IL1RAPL1: variants seen among roughly 807,000 people sequenced by gnomAD.
IL1RAPL1 encodes interleukin 1 receptor accessory protein like 1.
In IL1RAPL1, 3 loss-of-function variants were observed where a neutral mutation model predicts 48.4. That is an observed-to-expected ratio of 0.06 (90% CI 0.03 to 0.16). The LOEUF is 0.16. Among genes scored for constraint, IL1RAPL1 ranks in the 10% least tolerant of loss-of-function variants. The pLI is 1.00. For missense variants in IL1RAPL1, 349 were observed against 530.6 expected (o/e 0.66, Z 3.36); for synonymous variants, 185 against 187.7 (o/e 0.99, Z 0.12).
intron 2 of IL1RAPL1, among the ~76,000 whole-genome samples, chrX:29,157,705 T>TACTC (rs374375708): frequency 1.6e-4 from 1 of 6,284 alleles, no homozygotes; most frequent in African/African-American, 3.6e-3. Flanking sequence ...CAAATTAGTT[T>TACTC]ACTCAGCCTC....
chrX:29,705,399 G>C (rs1927166505), intron 6 of IL1RAPL1, among the ~76,000 whole-genome samples: 1 of 111,420 alleles, frequency 9.0e-6, no homozygotes, highest in African/African-American at 3.3e-5. Context: ...ATTTTTAGTA[G>C]AGATGGGGCT....
chrX:29,038,216 T>C (rs1230760862), intron 2 of IL1RAPL1, among the ~76,000 whole-genome samples: 1 of 111,937 alleles, frequency 8.9e-6, no homozygotes, highest in Non-Finnish European at 1.9e-5. Context: ...AACATTTAAA[T>C]CTAGAGCTCT....
intron 2 of IL1RAPL1, among the ~76,000 whole-genome samples, chrX:29,121,001 C>T (rs751946518): frequency 2.4e-4 from 27 of 111,880 alleles, no homozygotes; most frequent in Non-Finnish European, 4.9e-4. Flanking sequence ...TTTATCTTAT[C>T]AATAGAGGCA....
chrX:29,913,125 T>C (rs1932770894), intron 6 of IL1RAPL1, among the ~76,000 whole-genome samples: 2 of 111,321 alleles, frequency 1.8e-5, no homozygotes, highest in Admixed American at 9.6e-5. Context: ...AGGCCCCTGG[T>C]TAGAGACTCA....
intron 3 of IL1RAPL1, among the ~76,000 whole-genome samples, chrX:29,294,846 A>G (rs931266345): frequency 2.7e-5 from 3 of 111,793 alleles, no homozygotes; most frequent in African/African-American, 6.5e-5. Context: ...GTGTTGTTAG[A>G]AAATGGGCTT....
chrX:28,691,598 G>T (rs1935179115), intron 1 of IL1RAPL1, among the ~76,000 whole-genome samples: 1 of 112,023 alleles, frequency 8.9e-6, no homozygotes, highest in Admixed American at 9.5e-5. Flanking sequence ...TCCTATCAGT[G>T]TCTGGGACAT....
At chrX:28,615,197 C>CTG (rs1569138738) in intron 1 of IL1RAPL1, among the ~76,000 whole-genome samples, 4 of 32,996 alleles carry the variant, frequency 1.2e-4, no homozygotes, top group African/African-American at 5.8e-4. Flanking sequence ...CAACTGTTGT[C>CTG]TGTTTTTTTT....
intron 5 of IL1RAPL1, among the ~76,000 whole-genome samples, chrX:29,563,445 C>T (rs545822253): frequency 5.1e-4 from 57 of 111,816 alleles, no homozygotes; most frequent in African/African-American, 1.7e-3. Context: ...TGGTAATCTA[C>T]AAGTCAGATT....
chrX:28,630,526 T>A (rs1418285133), intron 1 of IL1RAPL1, among the ~76,000 whole-genome samples: 3 of 111,948 alleles, frequency 2.7e-5, no homozygotes, highest in Non-Finnish European at 3.8e-5. Flanking sequence ...CCGTCTGCCT[T>A]CTTCCCCTTC....
At chrX:29,704,274 A>G (rs141969241) in intron 6 of IL1RAPL1, among the ~76,000 whole-genome samples, 1,199 of 111,425 alleles carry the variant, frequency 0.011, 13 homozygotes, top group African/African-American at 0.036. Flanking sequence ...GAAGTTTCCT[A>G]TTACATTTTA....
chrX:28,612,255 C>T (rs893660211), intron 1 of IL1RAPL1, among the ~76,000 whole-genome samples: 3 of 112,119 alleles, frequency 2.7e-5, no homozygotes, highest in Admixed American at 1.9e-4. Context: ...CTACTATCCT[C>T]ACACTCCTGC....
intron 2 of IL1RAPL1, among the ~76,000 whole-genome samples, chrX:29,144,483 A>G (rs768165713): frequency 1.6e-4 from 17 of 105,128 alleles, no homozygotes; most frequent in Non-Finnish European, 2.7e-4. Context: ...GGTGCCTGTA[A>G]TCCCAGCTAC....
At chrX:29,403,344 G>GGTGTGTGT (rs746681320) in intron 5 of IL1RAPL1, among the ~76,000 whole-genome samples, 1 of 107,228 alleles carries the variant, frequency 9.3e-6, no homozygotes, top group Non-Finnish European at 1.9e-5. Context: ...CTTATATTGG[G>GGTGTGTGT]GTGTGTGTGT....
intron 7 of IL1RAPL1, among the ~76,000 whole-genome samples, chrX:29,918,210 G>T: frequency 1.4e-5 from 1 of 69,312 alleles, no homozygotes; most frequent in Non-Finnish European, 2.6e-5. Context: ...AAATGTTAGT[G>T]TACTTTTTGT....
At chrX:28,617,541 A>C (rs1601836265) in intron 1 of IL1RAPL1, among the ~76,000 whole-genome samples, 1 of 112,060 alleles carries the variant, frequency 8.9e-6, no homozygotes, top group African/African-American at 3.2e-5. Context: ...CCTCAAATAT[A>C]GCCTTTAGCA....
intron 7 of IL1RAPL1, 146 bp from the exon 8 acceptor site, chrX:29,919,803 A>G: frequency 1.8e-6 from 1 of 566,128 alleles, no homozygotes; most frequent in Non-Finnish European, 3.0e-6. Flanking sequence ...GGCATAACTT[A>G]ATTAACACAG....
chrX:29,320,627 ATT>A (rs1932797351), intron 3 of IL1RAPL1, among the ~76,000 whole-genome samples: 2 of 110,108 alleles, frequency 1.8e-5, no homozygotes, highest in South Asian at 7.8e-4. Context: ...ATACAAAAAA[ATT>A]ACCCGGGCGT....
At chrX:29,599,132 A>C (rs543187670) in intron 5 of IL1RAPL1, among the ~76,000 whole-genome samples, 2 of 111,800 alleles carry the variant, frequency 1.8e-5, no homozygotes, top group African/African-American at 6.5e-5. Flanking sequence ...TATATCGGTC[A>C]TGTGAGATTT....
At chrX:29,310,132 AAGG>A (rs1932698375) in intron 3 of IL1RAPL1, among the ~76,000 whole-genome samples, 4 of 76,187 alleles carry the variant, frequency 5.3e-5, no homozygotes, top group African/African-American at 1.8e-4. Flanking sequence ...AAAAAAAAGA[AAGG>A]AAAAAAAAAA....
Sources: gnomAD v4.1 joint callset for allele counts (sites outside exome capture counted in the v4.1 genomes callset) on GRCh38, gnomAD v4.1.1 for gene constraint, MANE v1.5 for transcripts, NCBI Gene and HGNC (gene_info 2026-07-23, HGNC 2026-07-21) for gene names.